The following AK7 variants were observed in gnomAD, a reference collection of about 807,000 sequenced individuals.
AK7 encodes ATP-AMP transphosphorylase 7.
In AK7, 78 loss-of-function variants were observed where a neutral mutation model predicts 96.6. The ratio of observed to expected loss-of-function variants is 0.81; its 90% CI spans 0.67 to 0.97. The LOEUF is 0.97. Ranked by LOEUF, AK7 falls within the 50% of genes least tolerant of loss-of-function variation. AK7 has a pLI of 0.00. For synonymous variants in AK7, 302 were observed against 317.2 expected, an observed-to-expected ratio of 0.95 and a Z score of 0.51; for missense variants, 855 against 887.9, an observed-to-expected ratio of 0.96 and a Z score of 0.47.
chr14:96,446,990 C>G (rs1206501087), intron 8 of AK7, among the ~76,000 whole-genome samples: 1 of 152,028 alleles, frequency 6.6e-6, no homozygotes, highest in East Asian at 1.9e-4. Context: ...AAAAGTTTTG[C>G]CCCCAATCAG....
chr14:96,456,331 C>T lies in AK7; in HGVS notation c.1099-16C>T, dbSNP rs577508436. On this transcript the variant is annotated splice_polypyrimidine_tract_variant and intron_variant, in intron 10 of 17. Transcript: ENST00000267584. ...TTCAGAGCTTGCTGTATGTTCCTTA[C>T]TCTCTCCTCTTTCAGCCAATCAAGA... is the stretch of plus-strand genomic sequence containing the variant. 1.9e-6 allele frequency: 3 copies of T among 1,552,424 alleles called. No homozygotes were observed. In the South Asian group the frequency reaches 3.3e-5, roughly 17 times the overall value.
intron 9 of AK7, among the ~76,000 whole-genome samples, chr14:96,451,121 A>G (rs1231828708): frequency 6.6e-6 from 1 of 152,148 alleles, no homozygotes; most frequent in Non-Finnish European, 1.5e-5. Flanking sequence ...TTGAACCATG[A>G]AACTGCAGTA....
At chr14:96,455,945 A>G (rs1438882413) in intron 10 of AK7, among the ~76,000 whole-genome samples, 5 of 151,924 alleles carry the variant, frequency 3.3e-5, no homozygotes, top group Non-Finnish European at 1.5e-5. Context: ...TTTATTTTCA[A>G]AAGGCACTCC....
intron 7 of AK7, among the ~76,000 whole-genome samples, chr14:96,444,949 C>T (rs1381900030): frequency 6.6e-6 from 1 of 152,184 alleles, no homozygotes; most frequent in African/African-American, 2.4e-5. Context: ...AACTCCTGAT[C>T]TCAGGTGATC....
At chr14:96,479,003 G>C (rs1350657291) in intron 15 of AK7, among the ~76,000 whole-genome samples, 1 of 151,990 alleles carries the variant, frequency 6.6e-6, no homozygotes, top group Non-Finnish European at 1.5e-5. Flanking sequence ...CTGCTTCCCG[G>C]GTTCAAGCAA....
chr14:96,433,788 G>C (rs1258506985), intron 5 of AK7, among the ~76,000 whole-genome samples: 1 of 152,030 alleles, frequency 6.6e-6, no homozygotes, highest in Non-Finnish European at 1.5e-5. Flanking sequence ...TTTTTAATAG[G>C]GGGTTTTCAA....
chr14:96,416,118 T>C (rs1891335004), intron 4 of AK7, among the ~76,000 whole-genome samples: 1 of 152,080 alleles, frequency 6.6e-6, no homozygotes, highest in Admixed American at 6.6e-5. Context: ...GCACAGTGGC[T>C]CATGCCTGTA....
chr14:96,454,056 C>T (rs190393179), intron 10 of AK7, among the ~76,000 whole-genome samples: 27 of 152,262 alleles, frequency 1.8e-4, no homozygotes, highest in East Asian at 9.7e-4. Context: ...TGGGACCACA[C>T]GCGCCAGAGC....
intron 1 of AK7, 59 bp from the exon 2 acceptor site, chr14:96,398,016 C>T (rs937374379): frequency 5.2e-6 from 8 of 1,539,158 alleles, no homozygotes; most frequent in Non-Finnish European, 7.1e-6. Flanking sequence ...AATCATCATT[C>T]ACTGGCCCCC....
intron 4 of AK7, among the ~76,000 whole-genome samples, chr14:96,412,700 G>A (rs1056886934): frequency 3.3e-5 from 5 of 151,618 alleles, no homozygotes; most frequent in African/African-American, 1.2e-4. Context: ...CAAGTAGCTG[G>A]GATTACAGGC....
At chr14:96,442,301 G>A (rs1893001665) in intron 6 of AK7, among the ~76,000 whole-genome samples, 1 of 152,194 alleles carries the variant, frequency 6.6e-6, no homozygotes, top group Non-Finnish European at 1.5e-5. Flanking sequence ...CCCTACTGGT[G>A]GGGGTAATTT....
At chr14:96,486,020 G>A (rs1457832723) in intron 16 of AK7, among the ~76,000 whole-genome samples, 3 of 152,070 alleles carry the variant, frequency 2.0e-5, no homozygotes, top group Non-Finnish European at 2.9e-5. Context: ...TCCTGACCTC[G>A]TGATCCACCC....
At chr14:96,424,147 G>T (rs1344861561) in intron 5 of AK7, 14 of 628,990 alleles carry the variant, frequency 2.2e-5, no homozygotes, top group Non-Finnish European at 3.6e-5. Flanking sequence ...ACATGCAGCG[G>T]GTGCTGCGGC....
chr14:96,413,523 G>C (rs1891161832), intron 4 of AK7, among the ~76,000 whole-genome samples: 2 of 152,196 alleles, frequency 1.3e-5, no homozygotes, highest in Non-Finnish European at 2.9e-5. Context: ...GGCAACCCCT[G>C]TCCCTGGGCT....
intron 5 of AK7, among the ~76,000 whole-genome samples, chr14:96,421,150 G>T (rs1891666415): frequency 6.6e-6 from 1 of 152,148 alleles, no homozygotes; most frequent in South Asian, 2.1e-4. Flanking sequence ...AAAGGGGTCT[G>T]TGTGTCTGAA....
chr14:96,437,788 C>A, intron 5 of AK7, 47 bp from the exon 6 acceptor site: 2 of 1,431,614 alleles, frequency 1.4e-6, no homozygotes, highest in Non-Finnish European at 9.7e-7. Flanking sequence ...TTCAGTATGA[C>A]TAATAATATT....
intron 17 of AK7, chr14:96,487,888 AT>A: frequency 3.8e-6 from 1 of 262,164 alleles, no homozygotes; most frequent in East Asian, 1.4e-4. Flanking sequence ...AAAGTAAAAA[AT>A]GTATGTACTT....
chr14:96,396,923 C>T (rs553052051), intron 1 of AK7, among the ~76,000 whole-genome samples: 27 of 152,112 alleles, frequency 1.8e-4, no homozygotes, highest in Non-Finnish European at 2.9e-4. Flanking sequence ...CCCATTTCTA[C>T]AAAAATAAAT....
Position 96,458,140 on chromosome 14 carries a change from G to A in AK7, c.1285G>A (p.Glu429Lys). The A allele has an allele frequency of 6.2e-7, 1 of 1,613,890 alleles. No homozygotes were observed. Among genetic ancestry groups the A allele is most frequent in the South Asian group, 1.1e-5 (1 of 91,074 alleles). ...AGGAGAAGAAGAAGTCGAAGAGGAA[G>A]AGGAGGAGGAGAATGTGGAAGATGC... ...GEGEEEVEEE[E>K]EEENVEDAQE... Residue 429 changes from glutamate (E) to lysine (K), a missense_variant, in exon 12 of 18, where the codon GAG (glutamate) becomes AAG (lysine). Transcript: ENST00000267584.
Sources: gnomAD v4.1 joint callset for allele counts (sites outside exome capture counted in the v4.1 genomes callset) on GRCh38, gnomAD v4.1.1 for gene constraint, MANE v1.5 for transcripts, NCBI Gene and HGNC (gene_info 2026-07-23, HGNC 2026-07-21) for gene names.